The following OR1J2 variants were observed in gnomAD, a reference collection of about 807,000 sequenced individuals.
OR1J2 encodes the protein olfactory receptor family 1 subfamily J member 2.
For synonymous variants in OR1J2, 142 were observed against 99.7 expected, an observed-to-expected ratio of 1.42 and a Z score of -2.52; for missense variants, 304 against 246.1, an observed-to-expected ratio of 1.24 and a Z score of -1.57.
chr9:122,526,997 C>A, the OR1J2 span: 45 of 1,614,078 alleles, frequency 2.8e-5, no homozygotes, highest in East Asian at 4.5e-5. Context: ...GAAAGAAATA[C>A]ATTTGCGTGA....
the OR1J2 span, among the ~76,000 whole-genome samples, chr9:122,461,994 T>G: frequency 4.6e-5 from 7 of 152,196 alleles, no homozygotes; most frequent in Non-Finnish European, 8.8e-5. Flanking sequence ...CTTGATGACC[T>G]GTCTAGTGCT....
chr9:122,459,099 A>G, the OR1J2 span, among the ~76,000 whole-genome samples: 2 of 152,184 alleles, frequency 1.3e-5, no homozygotes. Context: ...TTAACACAAT[A>G]TCCTCCAGGC....
the OR1J2 span, among the ~76,000 whole-genome samples, chr9:122,559,399 A>G: frequency 6.6e-6 from 1 of 151,874 alleles, no homozygotes; most frequent in Non-Finnish European, 1.5e-5. Context: ...GTTTGTTGCA[A>G]CTATCAACTG....
chr9:122,533,659 A>G, the OR1J2 span, among the ~76,000 whole-genome samples: 5 of 152,050 alleles, frequency 3.3e-5, no homozygotes. Context: ...TGCATAAAAG[A>G]ATGTTTTCTA....
At chr9:122,504,632 C>T in the OR1J2 span, among the ~76,000 whole-genome samples, 5 of 152,010 alleles carry the variant, frequency 3.3e-5, no homozygotes, top group Non-Finnish European at 5.9e-5. Flanking sequence ...CTTTAAGTCC[C>T]CTTGTGACCA....
At chr9:122,501,379 A>G in the OR1J2 span, among the ~76,000 whole-genome samples, 6 of 152,066 alleles carry the variant, frequency 3.9e-5, no homozygotes, top group East Asian at 1.9e-4. Flanking sequence ...TCTTCTCCCA[A>G]TCACCACCCA....
At chr9:122,520,079 A>G in the OR1J2 span, 5 of 1,606,092 alleles carry the variant, frequency 3.1e-6, no homozygotes, top group African/African-American at 1.3e-5. Flanking sequence ...TCTTATCTCA[A>G]TGACATTTAC....
chr9:122,546,232 A>T, the OR1J2 span, among the ~76,000 whole-genome samples: 2 of 152,162 alleles, frequency 1.3e-5, no homozygotes, highest in Non-Finnish European at 2.9e-5. Context: ...TGTGGGAGGA[A>T]AGTAAATAAT....
At chr9:122,491,962 A>G in the OR1J2 span, among the ~76,000 whole-genome samples, 1 of 149,138 alleles carries the variant, frequency 6.7e-6, no homozygotes, top group Admixed American at 6.6e-5. Context: ...AGGATAAAAA[A>G]GAGAGAAAAA....
At chr9:122,455,727 T>C in the OR1J2 span, among the ~76,000 whole-genome samples, 1 of 152,332 alleles carries the variant, frequency 6.6e-6, no homozygotes, top group Non-Finnish European at 1.5e-5. Flanking sequence ...CACTTTATTT[T>C]TTTCTTTTGT....
chr9:122,485,004 C>G, the OR1J2 span, among the ~76,000 whole-genome samples: 1 of 152,112 alleles, frequency 6.6e-6, no homozygotes, highest in African/African-American at 2.4e-5. Context: ...GCACTCCAGC[C>G]TGGGTGACAG....
the OR1J2 span, chr9:122,568,179 G>A: frequency 2.5e-6 from 4 of 1,614,102 alleles, no homozygotes; most frequent in Non-Finnish European, 3.4e-6. Flanking sequence ...ATACATCTGT[G>A]TCAGACACCC....
chr9:122,526,438 AG>A, the OR1J2 span: 1 of 1,529,848 alleles, frequency 6.5e-7, no homozygotes, highest in Non-Finnish European at 8.8e-7. Context: ...CTATAGATAA[AG>A]GGGTTCAACA....
At chr9:122,519,953 C>A in the OR1J2 span, 4 of 1,614,088 alleles carry the variant, frequency 2.5e-6, no homozygotes, top group Admixed American at 6.7e-5. Context: ...GTGACAAGGA[C>A]GTAATTGCCT....
chr9:122,553,157 T>C, the OR1J2 span: 1 of 1,572,966 alleles, frequency 6.4e-7, no homozygotes, highest in African/African-American at 1.4e-5. Flanking sequence ...ATCTAATAAA[T>C]AAATACTGAC....
the OR1J2 span, among the ~76,000 whole-genome samples, chr9:122,577,387 A>G: frequency 6.6e-6 from 1 of 152,212 alleles, no homozygotes; most frequent in Non-Finnish European, 1.5e-5. Flanking sequence ...AGTTTTACAC[A>G]TATGACCTCC....
chr9:122,538,163 CCCCTGCCTGGTACAAGTT>C, the OR1J2 span, among the ~76,000 whole-genome samples: 1 of 150,906 alleles, frequency 6.6e-6, no homozygotes, highest in Non-Finnish European at 1.5e-5. Context: ...AGTCCCCCTG[CCCCTGCCTGGTACAAGTT>C]CCCTTATCTG....
chr9:122,578,494 T>C, the OR1J2 span: 1 of 151,150 alleles, frequency 6.6e-6, no homozygotes, highest in Non-Finnish European at 1.5e-5. Context: ...AAAAGATACT[T>C]GCACATGCAT....
chr9:122,450,817 T>C, the OR1J2 span, among the ~76,000 whole-genome samples: 3 of 152,216 alleles, frequency 2.0e-5, no homozygotes, highest in Non-Finnish European at 4.4e-5. Context: ...TTGACTGTTT[T>C]AGATTTCACA....
Sources: allele counts gnomAD v4.1 joint callset (sites outside exome capture counted in the v4.1 genomes callset), GRCh38; gene constraint gnomAD v4.1.1; transcripts MANE v1.5; gene names NCBI Gene and HGNC (gene_info 2026-07-23, HGNC 2026-07-21).